The following GPHN variants were observed in gnomAD, a reference collection of about 807,000 sequenced individuals.
GPHN encodes the protein gephyrin.
A neutral mutation model predicts 95.5 loss-of-function variants in GPHN; 17 were observed. The ratio of observed to expected loss-of-function variants is 0.18; its 90% CI spans 0.12 to 0.27. GPHN has a LOEUF of 0.27. Among genes scored for constraint, GPHN ranks in the 10% least tolerant of loss-of-function variants. The pLI is 1.00. For missense variants in GPHN, 660 were observed against 978.1 expected (o/e 0.67, Z 4.34); for synonymous variants, 320 against 322.5 (o/e 0.99, Z 0.08).
chr14:67,656,332 G>C, the GPHN span: 4 of 1,303,726 alleles, frequency 3.1e-6, no homozygotes, highest in Non-Finnish European at 4.1e-6. Context: ...AACTGCTGTA[G>C]CTTTTGGCCT....
At chr14:66,525,574 A>G (rs907358178) in intron 1 of GPHN, among the ~76,000 whole-genome samples, 10 of 152,110 alleles carry the variant, frequency 6.6e-5, no homozygotes, top group African/African-American at 1.7e-4. Flanking sequence ...GCCCATGCCT[A>G]TGTCCTGAAT....
the GPHN span, chr14:67,695,806 G>A: frequency 9.3e-6 from 10 of 1,075,386 alleles, no homozygotes; most frequent in Non-Finnish European, 1.4e-5. Flanking sequence ...GACAGCCCGG[G>A]GAGCAGACCT....
chr14:66,681,431 A>G (rs1017311638), intron 2 of GPHN, among the ~76,000 whole-genome samples: 3 of 152,176 alleles, frequency 2.0e-5, no homozygotes, highest in Non-Finnish European at 2.9e-5. Context: ...TATCTTGCCA[A>G]TGTGGCAGTA....
chr14:67,226,745 A>G, the GPHN span, among the ~76,000 whole-genome samples: 1 of 152,172 alleles, frequency 6.6e-6, no homozygotes, highest in Non-Finnish European at 1.5e-5. Flanking sequence ...TGTGGCTGAA[A>G]AACAACAAAT....
intron 13 of GPHN, 88 bp downstream of exon 13, chr14:67,100,999 G>A (rs748778704): frequency 1.3e-6 from 1 of 790,452 alleles, no homozygotes; most frequent in Non-Finnish European, 2.3e-6. Flanking sequence ...TCAGTTTAGT[G>A]GAAATTAGAG....
At chr14:67,388,942 G>A in the GPHN span, among the ~76,000 whole-genome samples, 1 of 151,976 alleles carries the variant, frequency 6.6e-6, no homozygotes, top group Non-Finnish European at 1.5e-5. Context: ...GCCTCCCAAA[G>A]TGCTGGGATT....
chr14:66,516,619 G>C (rs1255927660), intron 1 of GPHN, among the ~76,000 whole-genome samples: 1 of 152,148 alleles, frequency 6.6e-6, no homozygotes, highest in Non-Finnish European at 1.5e-5. Context: ...AGTACTTCAC[G>C]ATTTCAGGAT....
At chr14:66,776,894 A>G (rs950941206) in intron 3 of GPHN, among the ~76,000 whole-genome samples, 1 of 151,588 alleles carries the variant, frequency 6.6e-6, no homozygotes, top group African/African-American at 2.4e-5. Context: ...TTTTTTTTAA[A>G]TTATTATTAT....
intron 1 of GPHN, among the ~76,000 whole-genome samples, chr14:66,589,423 T>C (rs1225546137): frequency 6.6e-6 from 1 of 152,046 alleles, no homozygotes; most frequent in Non-Finnish European, 1.5e-5. Flanking sequence ...ATGCCCCAAT[T>C]AAAATACACA....
At chr14:66,885,950 GA>G (rs2064168655) in intron 5 of GPHN, among the ~76,000 whole-genome samples, 2 of 150,320 alleles carry the variant, frequency 1.3e-5, no homozygotes, top group African/African-American at 4.9e-5. Context: ...ACAAAGCAAA[GA>G]AAAAGTATGA....
intron 1 of GPHN, among the ~76,000 whole-genome samples, chr14:66,607,285 A>T (rs1595203466): frequency 6.6e-6 from 1 of 151,868 alleles, no homozygotes; most frequent in South Asian, 2.1e-4. Context: ...ATTGATGTGC[A>T]TATGTTGAAC....
At chr14:67,356,384 G>A in the GPHN span, among the ~76,000 whole-genome samples, 1 of 150,820 alleles carries the variant, frequency 6.6e-6, no homozygotes, top group African/African-American at 2.4e-5. Context: ...TCGGGTCACT[G>A]CACTCCAGCC....
chr14:66,552,917 C>T (rs553089248), intron 1 of GPHN, among the ~76,000 whole-genome samples: 1 of 151,416 alleles, frequency 6.6e-6, no homozygotes, highest in Admixed American at 6.6e-5. Flanking sequence ...TAATGTATCT[C>T]AGTGTGGTTC....
At chr14:66,837,608 T>TAA (rs2061896650) in intron 4 of GPHN, among the ~76,000 whole-genome samples, 1 of 126,312 alleles carries the variant, frequency 7.9e-6, no homozygotes, top group South Asian at 2.4e-4. Flanking sequence ...AATAAATAAA[T>TAA]AAATAAAAAT....
At chr14:66,583,826 T>C (rs1271815569) in intron 1 of GPHN, among the ~76,000 whole-genome samples, 1 of 152,180 alleles carries the variant, frequency 6.6e-6, no homozygotes, top group Non-Finnish European at 1.5e-5. Context: ...GCGTGATGCC[T>C]CCAGCTTTGT....
the GPHN span, among the ~76,000 whole-genome samples, chr14:67,448,945 T>C: frequency 2.6e-5 from 4 of 152,100 alleles, no homozygotes; most frequent in African/African-American, 9.7e-5. Flanking sequence ...GACCATCCCA[T>C]GAGGGGAATA....
At chr14:67,646,681 G>A in the GPHN span, 6 of 1,613,690 alleles carry the variant, frequency 3.7e-6, no homozygotes, top group Non-Finnish European at 5.1e-6. Flanking sequence ...ATCAAACCTT[G>A]TATCTCTTCT....
At chr14:66,609,397 G>A (rs1169601861) in intron 1 of GPHN, among the ~76,000 whole-genome samples, 1 of 152,040 alleles carries the variant, frequency 6.6e-6, no homozygotes, top group Non-Finnish European at 1.5e-5. Context: ...CATCGGCCTT[G>A]GTGAATCTGA....
chr14:67,729,318 G>GCA, the GPHN span: 1 of 1,600,328 alleles, frequency 6.2e-7, no homozygotes, highest in East Asian at 2.2e-5. Flanking sequence ...GGGAGGGGGC[G>GCA]CAGACCAGCC....
Sources: gnomAD v4.1 joint callset for allele counts (sites outside exome capture counted in the v4.1 genomes callset) on GRCh38, gnomAD v4.1.1 for gene constraint, MANE v1.5 for transcripts, NCBI Gene and HGNC (gene_info 2026-07-23, HGNC 2026-07-21) for gene names.